NLK: variants seen among roughly 807,000 people sequenced by gnomAD.
NLK encodes nemo like kinase.
NLK carries 11 observed loss-of-function variants against 59.0 expected under a neutral mutation model. That is an observed-to-expected ratio of 0.19 (90% CI 0.12 to 0.31). The LOEUF (loss-of-function observed/expected upper bound fraction) is 0.31. Among genes scored for constraint, NLK ranks in the 10% least tolerant of loss-of-function variants. The pLI, the probability that NLK is intolerant of heterozygous loss-of-function variation, is 1.00. For missense variants in NLK, 410 were observed against 661.1 expected, an observed-to-expected ratio of 0.62 and a Z score of 4.16; for synonymous variants, 235 against 235.9, an observed-to-expected ratio of 1.00 and a Z score of 0.03.
chr17:28,158,120 GT>G (rs1484535470), intron 3 of NLK, among the ~76,000 whole-genome samples: 1 of 152,156 alleles, frequency 6.6e-6, no homozygotes, highest in Non-Finnish European at 1.5e-5. Flanking sequence ...AGTACAGGTT[GT>G]TACACAAACC....
At chr17:28,140,477 T>C (rs528458496) in intron 3 of NLK, among the ~76,000 whole-genome samples, 1 of 152,306 alleles carries the variant, frequency 6.6e-6, no homozygotes, top group African/African-American at 2.4e-5. Context: ...AGGACCTGAC[T>C]GTTGGAGCTG....
At chr17:28,104,614 A>G (rs1377375587) in intron 1 of NLK, among the ~76,000 whole-genome samples, 1 of 152,068 alleles carries the variant, frequency 6.6e-6, no homozygotes, top group African/African-American at 2.4e-5. Flanking sequence ...TTTTTTGGCA[A>G]GCACACAACG....
chr17:28,050,475 T>C (rs1909211617), intron 1 of NLK, among the ~76,000 whole-genome samples: 1 of 152,196 alleles, frequency 6.6e-6, no homozygotes, highest in African/African-American at 2.4e-5. Flanking sequence ...ATCTGTGGTA[T>C]TAAGATTTTA....
intron 3 of NLK, among the ~76,000 whole-genome samples, chr17:28,157,897 T>C (rs1408819725): frequency 6.6e-6 from 1 of 152,224 alleles, no homozygotes; most frequent in African/African-American, 2.4e-5. Context: ...GTGCTCAATA[T>C]ACATTCATTC....
At chr17:28,121,619 A>G (rs972510157) in intron 1 of NLK, among the ~76,000 whole-genome samples, 28 of 142,946 alleles carry the variant, frequency 2.0e-4, no homozygotes, top group Non-Finnish European at 3.3e-4. Context: ...CTTGTGCCTC[A>G]GCCTCCCAAG....
intron 1 of NLK, among the ~76,000 whole-genome samples, chr17:28,083,634 T>C (rs1242525155): frequency 6.6e-6 from 1 of 152,166 alleles, no homozygotes; most frequent in Non-Finnish European, 1.5e-5. Flanking sequence ...TTATGATTTT[T>C]GTTGTTGTTG....
intron 8 of NLK, among the ~76,000 whole-genome samples, chr17:28,186,959 T>A (rs1032874935): frequency 6.6e-6 from 1 of 152,228 alleles, no homozygotes; most frequent in Admixed American, 6.5e-5. Flanking sequence ...TTTATTGAGC[T>A]AGTGATTTAC....
intron 1 of NLK, among the ~76,000 whole-genome samples, chr17:28,065,825 T>TA (rs1401211502): frequency 6.6e-6 from 1 of 152,194 alleles, no homozygotes; most frequent in Non-Finnish European, 1.5e-5. Flanking sequence ...TGTTGGGCCT[T>TA]CAGTGTTCTC....
chr17:28,070,002 G>A (rs866899339), intron 1 of NLK, among the ~76,000 whole-genome samples: 39 of 152,110 alleles, frequency 2.6e-4, no homozygotes, highest in Admixed American at 1.3e-3. Context: ...CTGGGAGGCC[G>A]AGGCAGGCAG....
the NLK span, among the ~76,000 whole-genome samples, chr17:28,202,062 CTA>C: frequency 2.0e-5 from 3 of 151,932 alleles, no homozygotes; most frequent in South Asian, 2.1e-4. Flanking sequence ...TAGAGAAAAA[CTA>C]TGTGACAAAA....
chr17:28,201,728 T>A, the NLK span, among the ~76,000 whole-genome samples: 1 of 151,704 alleles, frequency 6.6e-6, no homozygotes, highest in African/African-American at 2.4e-5. Context: ...TAAAAGCAAA[T>A]GATCAGGCAG....
intron 1 of NLK, among the ~76,000 whole-genome samples, chr17:28,080,225 G>T (rs2142765372): frequency 6.6e-6 from 1 of 152,248 alleles, no homozygotes; most frequent in Admixed American, 6.5e-5. Context: ...GCCAAGGCAG[G>T]AAGATTGCTT....
At chr17:28,131,009 A>AAGAT (rs972717245) in intron 2 of NLK, among the ~76,000 whole-genome samples, 38 of 152,294 alleles carry the variant, frequency 2.5e-4, no homozygotes, top group African/African-American at 8.9e-4. Flanking sequence ...TTCAAAAGGA[A>AAGAT]AGATAGATAT....
rs78550213 is a variant in NLK, at chr17:28,087,845, T to A, written c.459-34758T>A. Among the ~76,000 whole-genome samples the A allele has an allele frequency of 5.7e-3, 863 of 151,446 alleles. 5 individuals are homozygous for A. The highest frequency in any genetic ancestry group is 0.02 in the African/African-American group (813 of 40,754). ...TGTGAATCTGTAACCCATGATGAAG[T>A]TGGGCTTTAGACATGTCACCTCTTT... On this transcript the variant is annotated intron_variant, in intron 1 of 10. Transcript: ENST00000407008.
chr17:28,205,544 CTT>C, the NLK span, among the ~76,000 whole-genome samples: 1 of 152,172 alleles, frequency 6.6e-6, no homozygotes, highest in Non-Finnish European at 1.5e-5. Flanking sequence ...TAAAAAATCA[CTT>C]TGTGTTTTGT....
At chr17:28,061,817 AAT>A (rs1293473567) in intron 1 of NLK, 5 of 146,338 alleles carry the variant, frequency 3.4e-5, no homozygotes, top group Non-Finnish European at 7.5e-5. Context: ...ATACATATAT[AAT>A]ATATACATAT....
intron 7 of NLK, among the ~76,000 whole-genome samples, chr17:28,181,719 C>CA (rs1908913478): frequency 6.6e-6 from 1 of 152,028 alleles, no homozygotes; most frequent in Admixed American, 6.6e-5. Context: ...TATCAAGACT[C>CA]ACACAAGGCT....
chr17:28,177,857 T>C (rs543178442), intron 7 of NLK, among the ~76,000 whole-genome samples: 10 of 152,206 alleles, frequency 6.6e-5, no homozygotes, highest in Non-Finnish European at 1.5e-4. Flanking sequence ...AGCTTTTTCA[T>C]TTTCTGCCCT....
intron 2 of NLK, among the ~76,000 whole-genome samples, chr17:28,124,855 G>C (rs1906227221): frequency 6.6e-6 from 1 of 152,076 alleles, no homozygotes; most frequent in African/African-American, 2.4e-5. Flanking sequence ...TTCAAGACCA[G>C]CTTGGGCAAC....
Sources: gnomAD v4.1 joint callset for allele counts (sites outside exome capture counted in the v4.1 genomes callset) on GRCh38, gnomAD v4.1.1 for gene constraint, MANE v1.5 for transcripts, NCBI Gene and HGNC (gene_info 2026-07-23, HGNC 2026-07-21) for gene names.